Variants in MMP14 observed in about 807,000 individuals in gnomAD.
MMP14 encodes the protein matrix metallopeptidase 14.
Under a neutral mutation model 64.8 loss-of-function variants are expected in MMP14, and 13 were observed. The ratio of observed to expected loss-of-function variants is 0.20; its 90% confidence interval spans 0.13 to 0.32. MMP14 has a LOEUF of 0.32. Ranked by LOEUF, MMP14 falls within the 10% of genes least tolerant of loss-of-function variation. MMP14 has a pLI of 1.00. For synonymous variants in MMP14, 322 were observed against 315.9 expected, an observed-to-expected ratio of 1.02 and a Z score of -0.20; for missense variants, 594 against 783.8, an observed-to-expected ratio of 0.76 and a Z score of 2.89.
Position 22,843,095 on chromosome 14 carries a change from G to A in MMP14, c.689-162G>A, listed in dbSNP as rs1312110283. 6.6e-6 allele frequency among the ~76,000 whole-genome samples: 1 copy of A among 152,192 alleles called. No individual in the cohort carries two copies. The highest frequency in any genetic ancestry group is 1.5e-5 in the Non-Finnish European group (1 of 68,040). The stretch of plus-strand genomic sequence containing the variant: ...CCAGAGGAGCTTGCTGACTGGCTTT[G>A]TGCTTAAATACCAGATAAAAAGCTA... On this transcript the variant is annotated intron_variant, in intron 4 of 9. Transcript: ENST00000311852. The surrounding 1 kb of genome is among the most constrained non-coding windows in gnomAD (Gnocchi z 4.8).
chr14:22,846,686 A>G lies in MMP14; in HGVS notation c.*647A>G, dbSNP rs1340695175. On this transcript the variant is annotated 3_prime_UTR_variant, in exon 10 of 10. Coordinates refer to ENST00000311852, the MANE Select transcript of MMP14 (RefSeq NM_004995.4). ...GATCTGCCTCTGCCTCACCTACCCCAGGGAACTTCCAAGGAAGGAGCCTGA... is the reference window on the plus strand; with the variant it reads ...GATCTGCCTCTGCCTCACCTACCCCGGGGAACTTCCAAGGAAGGAGCCTGA... The G allele has an allele frequency of 6.6e-6, 1 of 151,542 alleles. No homozygotes were observed. Among genetic ancestry groups the G allele is most frequent in the East Asian group, 1.9e-4 (1 of 5,180 alleles). 9.4% of individuals were successfully genotyped at this position (151,542 alleles called of 1,614,324 possible).
Position 22,846,311 on chromosome 14 carries a change from G to C in MMP14, c.*272G>C. 2.1e-6 allele frequency: 1 copy of C among 479,298 alleles called. No individual in the cohort carries two copies. The highest frequency in any genetic ancestry group is 3.7e-6 in the Non-Finnish European group (1 of 271,500). The allele number at this position is 479,298 out of a possible 1,614,324, so 29.7% of individuals were successfully genotyped here. On this transcript the variant is annotated 3_prime_UTR_variant, in exon 10 of 10. Coordinates refer to ENST00000311852, the MANE Select transcript of MMP14 (RefSeq NM_004995.4). ...CCCCTCAGGGGAACCCTGTAGCTTT[G>C]TGTCTGTCCAGCCCCATCTGAATGT...
rs1429443203 is a variant in MMP14 at position 22,841,649 on chromosome 14, A to T, written c.257+10A>T. On this transcript the variant is annotated intron_variant, in intron 2 of 9. Coordinates refer to ENST00000311852, the MANE Select transcript of MMP14 (RefSeq NM_004995.4). ...ATGCAGACACCATGAAGTAAGTGCT[A>T]GACCCTGGCAGGAGTTCTGCCTAGC... 1 of 1,613,636 alleles carries T rather than the reference A, an allele frequency of 6.2e-7. No individual in the cohort carries two copies. Among genetic ancestry groups the T allele is most frequent in the Admixed American group, 1.7e-5 (1 of 59,944 alleles).
chr14:22,840,684 G>T (rs967284913), intron 1 of MMP14, among the ~76,000 whole-genome samples: 12 of 152,126 alleles, frequency 7.9e-5, no homozygotes, highest in Admixed American at 5.2e-4. Flanking sequence ...AATATTTTTT[G>T]TATTTTTAGT....
chr14:22,840,193 C>G (rs2039763481), intron 1 of MMP14, among the ~76,000 whole-genome samples: 1 of 152,074 alleles, frequency 6.6e-6, no homozygotes, highest in Non-Finnish European at 1.5e-5. Flanking sequence ...TCTCGAACTC[C>G]TGACCTCAGG....
intron 1 of MMP14, among the ~76,000 whole-genome samples, chr14:22,839,598 G>A (rs372364088): frequency 2.0e-5 from 3 of 152,212 alleles, no homozygotes; most frequent in Admixed American, 6.5e-5. Context: ...TCAGCCTTGG[G>A]GGGGGATCAC....
Position 22,836,694 on chromosome 14 carries a change from T to C in MMP14, c.-124T>C, listed in dbSNP as rs773171790. 4 of 561,766 alleles carry C rather than the reference T, an allele frequency of 7.1e-6. No individual in the cohort carries two copies. The highest frequency in any genetic ancestry group is 1.3e-5 in the Non-Finnish European group (4 of 319,208). 34.8% of individuals were successfully genotyped at this position (561,766 alleles called of 1,614,324 possible). A position where few individuals can be genotyped will look rare whatever the true frequency, so the allele number is the denominator to read the frequency against. ...CCCTTTAACTCCAAGCCGACAGCGGTCTAGGAATTCAAGTTCAGTGCCTAC... is the reference window on the plus strand; with the variant it reads ...CCCTTTAACTCCAAGCCGACAGCGGCCTAGGAATTCAAGTTCAGTGCCTAC... On this transcript the variant is annotated 5_prime_UTR_variant, in exon 1 of 10. Transcript: ENST00000311852.
At chr14:22,837,238 C>T in intron 1 of MMP14, 1 of 555,740 alleles carries the variant, frequency 1.8e-6, no homozygotes, top group South Asian at 1.5e-5. Flanking sequence ...CCCTTGGGCT[C>T]TGCTCTCAGC....
Position 22,845,981 on chromosome 14 carries a change from G to A in MMP14, c.1691G>A (p.Arg564His), listed in dbSNP as rs140676928. ...GGCCTTGCAGTCTTCTTCTTCAGAC[G>A]CCATGGGACCCCCAGGCGACTGCTC... ...AVGLAVFFFR[R>H]HGTPRRLLYC... is the part of the protein sequence containing the mutation. Residue 564 changes from arginine (R) to histidine (H), a missense_variant, in exon 10 of 10, where the codon CGC (arginine) becomes CAC (histidine). Arg to His is a conservative substitution (Grantham distance 29). Coordinates refer to ENST00000311852, the MANE Select transcript of MMP14 (RefSeq NM_004995.4). The A allele has an allele frequency of 3.4e-5, 53 of 1,559,504 alleles. No homozygotes were observed. Among genetic ancestry groups the A allele is most frequent in the African/African-American group, 4.1e-5 (3 of 73,758 alleles).
chr14:22,842,187 A>AG lies in MMP14; in HGVS notation c.380+153dup. 3 of 1,146,376 alleles carry AG rather than the reference A, an allele frequency of 2.6e-6. No homozygotes were observed. Among genetic ancestry groups the AG allele is most frequent in the South Asian group, 1.5e-5 (1 of 67,206 alleles). 71.0% of individuals were successfully genotyped at this position (1,146,376 alleles called of 1,614,324 possible). ...GGGAGGAAAATGGCTCTCATCCTTGAGAGAGGTGTAGCCATCAAGGGTGCA... is the reference window on the plus strand; with the variant it reads ...GGGAGGAAAATGGCTCTCATCCTTGAGGAGAGGTGTAGCCATCAAGGGTGCA... On this transcript the variant is annotated intron_variant, in intron 3 of 9. Transcript: ENST00000311852. This position sits in a 1 kb window ranked among gnomAD's most constrained non-coding sequence, Gnocchi z 5.3.
rs949658749 is a variant in MMP14, at chr14:22,839,707, T to A, written c.109-1784T>A. Among the ~76,000 whole-genome samples, 5 of 152,046 alleles carry A rather than the reference T, an allele frequency of 3.3e-5. No homozygotes were observed. The South Asian group carries it at 1.0e-3, about 32-fold the overall frequency. ...GTCCCCATGCAAGACTACTGCCCCA[T>A]CACCAGGACCTGAGCCCAGAGGTGA... On this transcript the variant is annotated intron_variant, in intron 1 of 9. Coordinates refer to ENST00000311852, the MANE Select transcript of MMP14 (RefSeq NM_004995.4).
chr14:22,843,938 G>T lies in MMP14; in HGVS notation c.1011+68G>T, dbSNP rs1595015481. 3.2e-6 allele frequency: 5 copies of T among 1,563,992 alleles called. No homozygotes were observed. In the East Asian group the frequency reaches 1.1e-4, roughly 35 times the overall value. ...GGGCTGGGCATGGTGGCTCATGCCT[G>T]TAATCCTAGCACTTTGAGAGGCCAA... is the stretch of plus-strand genomic sequence containing the variant. On this transcript the variant is annotated intron_variant, in intron 6 of 9. Transcript: ENST00000311852. This position sits in a 1 kb window ranked among gnomAD's most constrained non-coding sequence, Gnocchi z 4.8.
chr14:22,837,528 C>T (rs2039743357), intron 1 of MMP14: 3 of 368,994 alleles, frequency 8.1e-6, no homozygotes, highest in Admixed American at 3.6e-5. Context: ...GCATCCCTGG[C>T]GTCGAGGGTC....
Position 22,836,593 on chromosome 14 carries a change from G to C in MMP14, c.-225G>C. On this transcript the variant is annotated 5_prime_UTR_variant, in exon 1 of 10. Transcript: ENST00000311852. ...GAGCGAGAGAGGGAACCAGACCCCA[G>C]TTCGCCGACTAAGCAGAAGAAAGAT... The C allele has an allele frequency of 2.2e-6, 1 of 463,384 alleles. No individual in the cohort carries two copies. 28.7% of individuals were successfully genotyped at this position (463,384 alleles called of 1,614,324 possible). A position where few individuals can be genotyped will look rare whatever the true frequency, so the allele number is the denominator to read the frequency against.
intron 2 of MMP14, 34 bp downstream of exon 2, chr14:22,841,673 G>A: frequency 6.2e-7 from 1 of 1,612,058 alleles, no homozygotes; most frequent in Non-Finnish European, 8.5e-7. Context: ...GTTCTGCCTA[G>A]CATCCACTGA....
At chr14:22,837,587 G>A in intron 1 of MMP14, 1 of 352,172 alleles carries the variant, frequency 2.8e-6, no homozygotes, top group East Asian at 7.8e-5. Context: ...AGCTCTCCTT[G>A]TGAGCCGGGC....
chr14:22,841,418 G>T, intron 1 of MMP14, 73 bp from the exon 2 acceptor site: 1 of 1,573,886 alleles, frequency 6.4e-7, no homozygotes, highest in Non-Finnish European at 8.6e-7. Context: ...CTGTATGCTG[G>T]GCATTGTCGG....
intron 6 of MMP14, among the ~76,000 whole-genome samples, 159 bp from the exon 7 acceptor site, chr14:22,844,212 G>C (rs745320785): frequency 1.3e-5 from 2 of 150,286 alleles, no homozygotes; most frequent in East Asian, 3.9e-4. Context: ...AAAAAAAGGC[G>C]GGGGGGTACT....
rs1372387980 is a variant in MMP14 at position 22,847,631 on chromosome 14, GA to G, written c.*1593del. 1 of 151,368 alleles carries G rather than the reference GA, an allele frequency of 6.6e-6. No individual in the cohort carries two copies. Among genetic ancestry groups the G allele is most frequent in the African/African-American group, 2.4e-5 (1 of 41,138 alleles). The allele number at this position is 151,368 out of a possible 1,614,324, so 9.4% of individuals were successfully genotyped here. ...CCTTTTTGTTAACAAGGGGCATGGG[GA>G]GGGGTGGGGGTGGGGGGGCAGAGGC... On this transcript the variant is annotated 3_prime_UTR_variant, in exon 10 of 10. Coordinates refer to ENST00000311852, the MANE Select transcript of MMP14 (RefSeq NM_004995.4).
Sources: allele counts gnomAD v4.1 joint callset (sites outside exome capture counted in the v4.1 genomes callset), GRCh38; gene constraint gnomAD v4.1.1; non-coding constraint Gnocchi (gnomAD v3.1); transcripts MANE v1.5; gene names NCBI Gene and HGNC (gene_info 2026-07-23, HGNC 2026-07-21).